RNF216: variants seen among roughly 807,000 people sequenced by gnomAD.
RNF216 encodes E3 ubiquitin-protein ligase RNF216.
Under a neutral mutation model 110.8 loss-of-function variants are expected in RNF216, and 72 were observed. The ratio of observed to expected loss-of-function variants is 0.65; its 90% CI spans 0.54 to 0.79. RNF216 has a LOEUF of 0.79. Ranked by LOEUF, RNF216 falls within the 30% of genes least tolerant of loss-of-function variation. RNF216 has a pLI of 0.00. For synonymous variants in RNF216, 495 were observed against 407.5 expected, an observed-to-expected ratio of 1.21 and a Z score of -2.59; for missense variants, 1,342 against 1,141.2, an observed-to-expected ratio of 1.18 and a Z score of -2.54.
chr7:5,706,144 C>T (rs908553320), intron 13 of RNF216, among the ~76,000 whole-genome samples: 8 of 147,844 alleles, frequency 5.4e-5, no homozygotes, highest in Non-Finnish European at 8.9e-5. Context: ...CGCTTGCACC[C>T]GGAAGGTGGA....
rs1786273838 is a variant in RNF216 at position 5,620,288 on chromosome 7, G to GT, written c.*2571dup. The stretch of plus-strand genomic sequence containing the variant: ...ATTCCTCTCTCCAGTTTTAAGGCAA[G>GT]TAAGAGGGGGCTGTGGCTGGGGAGC... On this transcript the variant is annotated 3_prime_UTR_variant, in exon 17 of 17. Coordinates refer to ENST00000389902, the MANE Select transcript of RNF216 (RefSeq NM_207111.4). 6.6e-6 allele frequency: 1 copy of GT among 152,216 alleles called. No homozygotes were observed. The highest frequency in any genetic ancestry group is 2.4e-5 in the African/African-American group (1 of 41,458). The allele number at this position is 152,216 out of a possible 1,614,324, so 9.4% of individuals were successfully genotyped here. A position where few individuals can be genotyped will look rare whatever the true frequency, so the allele number is the denominator to read the frequency against.
At chr7:5,632,711 A>G (rs1367392087) in intron 15 of RNF216, among the ~76,000 whole-genome samples, 1 of 151,612 alleles carries the variant, frequency 6.6e-6, no homozygotes, top group Non-Finnish European at 1.5e-5. Context: ...CGGGAGGCAC[A>G]GGTTGCAGTG....
chr7:5,755,056 A>G (rs1262267327), intron 2 of RNF216, among the ~76,000 whole-genome samples: 11 of 132,064 alleles, frequency 8.3e-5, no homozygotes, highest in Non-Finnish European at 3.2e-5. Context: ...GAAACAAGGG[A>G]GGGAGGGAGG....
chr7:5,698,749 C>T (rs1353584063), intron 13 of RNF216, among the ~76,000 whole-genome samples: 1 of 152,130 alleles, frequency 6.6e-6, no homozygotes, highest in Non-Finnish European at 1.5e-5. Context: ...TGGAAAACAC[C>T]AGGTCCCTAC....
At chr7:5,679,299 G>A (rs1790505578) in intron 13 of RNF216, among the ~76,000 whole-genome samples, 1 of 152,330 alleles carries the variant, frequency 6.6e-6, no homozygotes, top group Admixed American at 6.5e-5. Context: ...TAAAGGCACT[G>A]GACTAAGGGC....
intron 13 of RNF216, among the ~76,000 whole-genome samples, chr7:5,682,754 A>C (rs1443512160): frequency 6.6e-6 from 1 of 152,172 alleles, no homozygotes; most frequent in Non-Finnish European, 1.5e-5. Flanking sequence ...TAGAATAATC[A>C]TGTGCAACAC....
At chr7:5,737,608 G>T (rs1320486363) in intron 5 of RNF216, among the ~76,000 whole-genome samples, 5 of 151,884 alleles carry the variant, frequency 3.3e-5, no homozygotes, top group Non-Finnish European at 1.5e-5. Context: ...GATCAGACAA[G>T]GCCACTAATG....
At chr7:5,663,133 C>T (rs1046386818) in intron 13 of RNF216, among the ~76,000 whole-genome samples, 8 of 152,190 alleles carry the variant, frequency 5.3e-5, no homozygotes, top group African/African-American at 1.9e-4. Context: ...CAGCACTTAG[C>T]TTATGCGTTG....
At chr7:5,729,718 A>T in intron 6 of RNF216, 122 bp from the exon 7 acceptor site, 1 of 858,048 alleles carries the variant, frequency 1.2e-6, no homozygotes, top group Non-Finnish European at 1.8e-6. Flanking sequence ...TCTATAAGGA[A>T]GTTACCAGCC....
chr7:5,777,744 A>G (rs538679388), intron 1 of RNF216: 1 of 152,368 alleles, frequency 6.6e-6, no homozygotes, highest in African/African-American at 2.4e-5. Flanking sequence ...GGATATAAAT[A>G]TGCAAACAAT....
chr7:5,634,088 T>C (rs555261119), intron 15 of RNF216, among the ~76,000 whole-genome samples: 8 of 152,376 alleles, frequency 5.3e-5, no homozygotes, highest in African/African-American at 1.9e-4. Flanking sequence ...ATTTGAGCGC[T>C]TGGCACAAAA....
At chr7:5,670,186 G>A (rs1268126494) in intron 13 of RNF216, among the ~76,000 whole-genome samples, 2 of 151,978 alleles carry the variant, frequency 1.3e-5, no homozygotes, top group East Asian at 1.9e-4. Flanking sequence ...CACCCGCCTC[G>A]GCCTCCCAAA....
intron 15 of RNF216, among the ~76,000 whole-genome samples, chr7:5,638,857 A>C (rs1787562237): frequency 6.6e-6 from 1 of 151,644 alleles, no homozygotes; most frequent in Non-Finnish European, 1.5e-5. Context: ...CTGTTCTTAA[A>C]CTCCAGGATG....
chr7:5,676,246 A>C (rs993646414), intron 13 of RNF216, among the ~76,000 whole-genome samples: 1 of 152,058 alleles, frequency 6.6e-6, no homozygotes, highest in African/African-American at 2.4e-5. Flanking sequence ...TCCTGGTCTC[A>C]AGTGATCGGC....
chr7:5,674,859 T>G (rs1431667764), intron 13 of RNF216, among the ~76,000 whole-genome samples: 4 of 151,900 alleles, frequency 2.6e-5, no homozygotes, highest in Non-Finnish European at 4.4e-5. Flanking sequence ...TAGCTGGGCA[T>G]AGTGGCACGC....
intron 13 of RNF216, among the ~76,000 whole-genome samples, chr7:5,711,475 GA>G: frequency 6.6e-6 from 1 of 152,258 alleles, no homozygotes; most frequent in African/African-American, 2.4e-5. Flanking sequence ...CACAGTGGAA[GA>G]AAAACTAAAC....
intron 3 of RNF216, among the ~76,000 whole-genome samples, chr7:5,747,800 T>C (rs1048755636): frequency 2.5e-5 from 2 of 80,584 alleles, no homozygotes; most frequent in African/African-American, 8.1e-5. Context: ...AAAAAATAAA[T>C]AATAACTAGA....
At chr7:5,703,798 G>T (rs914583686) in intron 13 of RNF216, among the ~76,000 whole-genome samples, 3 of 152,204 alleles carry the variant, frequency 2.0e-5, no homozygotes, top group African/African-American at 7.2e-5. Flanking sequence ...CTTGCTTCAT[G>T]AGTGTGCCTA....
intron 1 of RNF216, among the ~76,000 whole-genome samples, chr7:5,779,506 T>C (rs1796957378): frequency 6.6e-6 from 1 of 152,032 alleles, no homozygotes; most frequent in Admixed American, 6.6e-5. Flanking sequence ...AATTGAGATG[T>C]TTCATAGAAT....
Sources: allele counts gnomAD v4.1 joint callset (sites outside exome capture counted in the v4.1 genomes callset), GRCh38; gene constraint gnomAD v4.1.1; transcripts MANE v1.5; gene names NCBI Gene and HGNC (gene_info 2026-07-23, HGNC 2026-07-21).